AUTS2: variants seen among roughly 807,000 people sequenced by gnomAD.
The protein encoded by AUTS2 is autism susceptibility gene 2 protein.
Under a neutral mutation model 112.4 loss-of-function variants are expected in AUTS2, and 17 were observed. The observed-to-expected ratio is 0.15, with a 90% CI of 0.10 to 0.23. The LOEUF (loss-of-function observed/expected upper bound fraction) is 0.23. Ranked by LOEUF, AUTS2 falls within the 10% of genes least tolerant of loss-of-function variation. AUTS2 has a pLI of 1.00. For missense variants in AUTS2, 1,510 were observed against 1,701.6 expected (o/e 0.89, Z 1.98); for synonymous variants, 751 against 702.7 (o/e 1.07, Z -1.09).
chr7:70,511,430 A>G (rs1036978498), intron 5 of AUTS2, among the ~76,000 whole-genome samples: 18 of 151,936 alleles, frequency 1.2e-4, no homozygotes, highest in Non-Finnish European at 2.6e-4. Context: ...AGAGATCATA[A>G]TAAAACAACC....
intron 1 of AUTS2, among the ~76,000 whole-genome samples, chr7:69,774,828 A>C (rs894818209): frequency 2.0e-5 from 3 of 152,186 alleles, no homozygotes; most frequent in African/African-American, 7.2e-5. Context: ...TCTAGGATAG[A>C]GTCCAATAAT....
At chr7:70,386,234 T>C (rs1793600768) in intron 4 of AUTS2, among the ~76,000 whole-genome samples, 2 of 152,218 alleles carry the variant, frequency 1.3e-5, no homozygotes, top group African/African-American at 4.8e-5. Flanking sequence ...ACAGAGGCTC[T>C]GAGGAGCCTT....
chr7:70,296,676 T>C (rs911078728), intron 4 of AUTS2, among the ~76,000 whole-genome samples: 2 of 152,196 alleles, frequency 1.3e-5, no homozygotes, highest in African/African-American at 2.4e-5. Flanking sequence ...AGGTTGTTTC[T>C]GATTTTTCAC....
chr7:70,091,838 G>C (rs1432843453), intron 2 of AUTS2, among the ~76,000 whole-genome samples: 1 of 152,116 alleles, frequency 6.6e-6, no homozygotes, highest in Non-Finnish European at 1.5e-5. Flanking sequence ...CAACATGTAG[G>C]AATATAAAAT....
chr7:70,751,129 C>T (rs1323504854), intron 6 of AUTS2, among the ~76,000 whole-genome samples: 1 of 152,094 alleles, frequency 6.6e-6, no homozygotes, highest in Non-Finnish European at 1.5e-5. Flanking sequence ...ATGACAGGGG[C>T]GCGTTGCAAC....
At chr7:70,146,720 G>A (rs1807143735) in intron 4 of AUTS2, among the ~76,000 whole-genome samples, 1 of 152,074 alleles carries the variant, frequency 6.6e-6, no homozygotes, top group Admixed American at 6.6e-5. Context: ...GTGGCAATTA[G>A]TTTGATTACA....
intron 11 of AUTS2, among the ~76,000 whole-genome samples, chr7:70,773,141 A>C (rs919926328): frequency 1.5e-4 from 23 of 152,192 alleles, no homozygotes; most frequent in African/African-American, 5.6e-4. Context: ...GTTGTACTGC[A>C]GCTGATTGCT....
chr7:70,459,474 G>T (rs746747550), intron 5 of AUTS2, among the ~76,000 whole-genome samples: 1 of 152,266 alleles, frequency 6.6e-6, no homozygotes, highest in East Asian at 1.9e-4. Flanking sequence ...TCACCACTCC[G>T]ATAGCTAAGC....
chr7:70,586,616 G>C (rs1173981392), intron 5 of AUTS2, among the ~76,000 whole-genome samples: 4 of 152,178 alleles, frequency 2.6e-5, no homozygotes, highest in Non-Finnish European at 5.9e-5. Context: ...AGAAAGCACA[G>C]GATGCCTGCC....
chr7:70,525,520 A>ATACC (rs1799804799), intron 5 of AUTS2, among the ~76,000 whole-genome samples: 1 of 152,198 alleles, frequency 6.6e-6, no homozygotes, highest in Non-Finnish European at 1.5e-5. Context: ...TTTTTCCCAG[A>ATACC]TACCAGCTGA....
chr7:69,959,156 C>T (rs1257348568), intron 2 of AUTS2, among the ~76,000 whole-genome samples: 4 of 152,064 alleles, frequency 2.6e-5, no homozygotes, highest in Non-Finnish European at 5.9e-5. Flanking sequence ...TGGTCTCTAC[C>T]CTGTCCTTCC....
chr7:70,522,294 T>C (rs972795516), intron 5 of AUTS2, among the ~76,000 whole-genome samples: 1 of 152,178 alleles, frequency 6.6e-6, no homozygotes, highest in Non-Finnish European at 1.5e-5. Context: ...ATGGGAAACT[T>C]TTTTTATAAT....
At position 70,774,196 on chromosome 7, in the gene AUTS2, G is replaced by A. The variant is rs1298587184; in HGVS notation, c.1902+97G>A. On this transcript the variant is annotated intron_variant, in intron 12 of 18. Transcript: ENST00000342771. ...TGCTCGCATCTTCCTTAGCTCCTTT[G>A]AGCGAGCTGCTGTTTCAGCTGTTCT... 9 of 1,114,714 alleles carry A rather than the reference G, an allele frequency of 8.1e-6. No homozygotes were observed. In the Admixed American group the frequency reaches 1.7e-4, roughly 21 times the overall value. The allele number at this position is 1,114,714 out of a possible 1,614,324, so 69.1% of individuals were successfully genotyped here.
chr7:70,315,953 C>T (rs1379846539), intron 4 of AUTS2, among the ~76,000 whole-genome samples: 3 of 152,180 alleles, frequency 2.0e-5, no homozygotes, highest in Non-Finnish European at 4.4e-5. Flanking sequence ...AGTTGTTCTC[C>T]TTTGTACTTT....
rs60280924 is a variant in AUTS2 at position 70,713,895 on chromosome 7, C to CA, written c.742+15289dup. 2.0e-3 allele frequency among the ~76,000 whole-genome samples: 288 copies of CA among 143,794 alleles called. 2 individuals are homozygous for CA. The highest frequency in any genetic ancestry group is 7.0e-3 in the African/African-American group (274 of 38,866). The allele number at this position is 143,794 out of a possible 152,430, so 94.3% of individuals were successfully genotyped here. A position where few individuals can be genotyped will look rare whatever the true frequency, so the allele number is the denominator to read the frequency against. On this transcript the variant is annotated intron_variant, in intron 6 of 18. Coordinates refer to ENST00000342771, the MANE Select transcript of AUTS2 (RefSeq NM_015570.4). ...TGGGCGACAGAACAAGACTCCGTCT[C>CA]AAAAAAAAAAAAAAGATACAGCTTG...
At chr7:70,249,159 G>A (rs2129603528) in intron 4 of AUTS2, among the ~76,000 whole-genome samples, 1 of 152,208 alleles carries the variant, frequency 6.6e-6, no homozygotes, top group South Asian at 2.1e-4. Context: ...AATGTAATTT[G>A]TTCTTTTTCT....
intron 4 of AUTS2, among the ~76,000 whole-genome samples, chr7:70,134,882 T>C (rs1186719924): frequency 1.3e-5 from 2 of 152,140 alleles, no homozygotes; most frequent in Non-Finnish European, 2.9e-5. Context: ...CCACAATTAC[T>C]TTTTTAGTAA....
chr7:70,392,444 C>A (rs1793907939), intron 4 of AUTS2, among the ~76,000 whole-genome samples: 1 of 152,100 alleles, frequency 6.6e-6, no homozygotes, highest in Admixed American at 6.6e-5. Flanking sequence ...AAGGTCGTTA[C>A]CAGGAAGTCT....
At chr7:69,623,871 C>G (rs1357368500) in intron 1 of AUTS2, among the ~76,000 whole-genome samples, 1 of 152,046 alleles carries the variant, frequency 6.6e-6, no homozygotes, top group Non-Finnish European at 1.5e-5. Context: ...CCCCTCCCCA[C>G]AAAAAATGAT....
Sources: gnomAD v4.1 joint callset for allele counts (sites outside exome capture counted in the v4.1 genomes callset) on GRCh38, gnomAD v4.1.1 for gene constraint, MANE v1.5 for transcripts, NCBI Gene and HGNC (gene_info 2026-07-23, HGNC 2026-07-21) for gene names.